GAL3ST2: variants seen among roughly 807,000 people sequenced by gnomAD.
GAL3ST2 encodes galactose-3-O-sulfotransferase 2, also known as beta-galactose-3-O-sulfotransferase 2.
In GAL3ST2, 16 loss-of-function variants were observed where a neutral mutation model predicts 12.9. The ratio of observed to expected loss-of-function variants is 1.24; its 90% CI spans 0.84 to 1.88. The LOEUF (loss-of-function observed/expected upper bound fraction) is 1.88, where lower values mean the gene tolerates loss of function less well. Among genes scored for constraint, GAL3ST2 ranks in the 40% most tolerant of loss-of-function variants. The pLI is 0.00. For missense variants in GAL3ST2, 639 were observed against 571.8 expected, an observed-to-expected ratio of 1.12 and a Z score of -1.20; for synonymous variants, 302 against 273.9, an observed-to-expected ratio of 1.10 and a Z score of -1.01.
At position 241,804,097 on chromosome 2, in the gene GAL3ST2, C is replaced by A; in HGVS notation, c.1128C>A (p.Tyr376Ter). The A allele has an allele frequency of 6.6e-7, 1 of 1,526,698 alleles. No homozygotes were observed. Among genetic ancestry groups the A allele is most frequent in the Non-Finnish European group, 8.8e-7 (1 of 1,136,616 alleles). 94.6% of individuals were successfully genotyped at this position (1,526,698 alleles called of 1,614,324 possible). The part of the protein sequence containing the change: ...CQRLVMPELQ[Y>*]MARLYALQFP... ...GGCTTGTGATGCCTGAGCTCCAGTA[C>A]ATGGCCCGCCTGTACGCCCTGCAGT... is the stretch of plus-strand genomic sequence containing the variant. The change falls in exon 4 of 4, where the codon TAC (tyrosine) becomes TAA (stop). Residue 376 changes from tyrosine (Y) to a stop codon, truncating the protein, a stop_gained. Transcript: ENST00000192314. LOFTEE classifies it low-confidence loss of function (END_TRUNC).
At position 241,801,860 on chromosome 2, in the gene GAL3ST2, G is replaced by A. The variant is rs1350956069; in HGVS notation, c.199G>A (p.Val67Met). Residue 67 changes from valine (V) to methionine (M), a missense_variant, in exon 3 of 4, where the codon GTG becomes ATG. Val to Met is a conservative substitution (Grantham distance 21). Coordinates refer to ENST00000192314, the MANE Select transcript of GAL3ST2 (RefSeq NM_022134.3). This position sits in a 1 kb window ranked among gnomAD's most constrained non-coding sequence, Gnocchi z 4.4. ...GACGCACAAGACGGCCAGCAGCACG[G>A]TGCTCAACATCCTCTACCGCTTCGC... Reference protein sequence around the residue: ...LKTHKTASSTVLNILYRFAET... With the variant: ...LKTHKTASSTMLNILYRFAET... The A allele has an allele frequency of 5.0e-6, 8 of 1,612,876 alleles. No individual in the cohort carries two copies. The Admixed American group carries it at 5.0e-5, about 10-fold the overall frequency.
At chr2:241,797,779 C>T (rs932352478) in intron 1 of GAL3ST2, among the ~76,000 whole-genome samples, 12 of 152,204 alleles carry the variant, frequency 7.9e-5, no homozygotes, top group African/African-American at 2.2e-4. Context: ...GTTCTAGCAC[C>T]CCCAGCCCCC....
chr2:241,794,866 A>G (rs754858537), intron 1 of GAL3ST2, among the ~76,000 whole-genome samples: 20 of 152,192 alleles, frequency 1.3e-4, no homozygotes, highest in African/African-American at 4.6e-4. Flanking sequence ...TCCCTCCACA[A>G]TCGTCAGCTT....
intron 1 of GAL3ST2, among the ~76,000 whole-genome samples, chr2:241,794,562 C>G (rs1001175801): frequency 6.6e-6 from 1 of 152,234 alleles, no homozygotes; most frequent in Admixed American, 6.5e-5. Context: ...CCAACCTGCC[C>G]AGAGCTGGAA....
rs758638255 is a variant in GAL3ST2, at chr2:241,803,561, G to A, written c.592G>A (p.Gly198Ser). ...CAAGAACAACATGTGGTTCGACTTC[G>A]GCTTCGACCCCAACGCGCAGTGCGA... ...YAKNNMWFDF[G>S]FDPNAQCEEG... Residue 198 changes from glycine to serine, a missense_variant, in exon 4 of 4, where the codon GGC becomes AGC. Gly to Ser is a moderately conservative substitution (Grantham distance 56, BLOSUM62 0). Coordinates refer to ENST00000192314, the MANE Select transcript of GAL3ST2 (RefSeq NM_022134.3). The A allele has an allele frequency of 1.2e-6, 2 of 1,602,934 alleles. No homozygotes were observed. The highest frequency in any genetic ancestry group is 1.7e-6 in the Non-Finnish European group (2 of 1,174,730).
rs1041349659 is a variant in GAL3ST2, at chr2:241,802,406, C to T, written c.375+370C>T. Reference sequence around the variant, plus strand: ...GGTCCCTTGGGTCTCAGCATAGAGCCGGCTTCCCCCCAGGGCTTCCCTGAC... The same window carrying T: ...GGTCCCTTGGGTCTCAGCATAGAGCTGGCTTCCCCCCAGGGCTTCCCTGAC... On this transcript the variant is annotated intron_variant, in intron 3 of 3. Transcript: ENST00000192314. This position sits in a 1 kb window ranked among gnomAD's most constrained non-coding sequence, Gnocchi z 4.8. Among the ~76,000 whole-genome samples, 1 of 152,166 alleles carries T rather than the reference C, an allele frequency of 6.6e-6. No homozygotes were observed.
At chr2:241,780,657 A>C (rs1355973072) in intron 1 of GAL3ST2, among the ~76,000 whole-genome samples, 3 of 152,236 alleles carry the variant, frequency 2.0e-5, no homozygotes, top group Non-Finnish European at 4.4e-5. Context: ...AGCAAGAATA[A>C]TTACTTTTTA....
In GAL3ST2 at chr2:241,803,906, C is replaced by T. The variant is rs1295210030; in HGVS notation, c.937C>T (p.Arg313Trp). 1.4e-6 allele frequency: 2 copies of T among 1,414,940 alleles called. No homozygotes were observed. Among genetic ancestry groups the T allele is most frequent in the South Asian group, 1.6e-5 (1 of 62,552 alleles). The allele number at this position is 1,414,940 out of a possible 1,614,324, so 87.6% of individuals were successfully genotyped here. Reference sequence around the variant, plus strand: ...CGGGGAGGTGGAGCGGCTGCGCGCCCGGAGGCGCGAACTCGCGAGCCTGTG... The same window carrying T: ...CGGGGAGGTGGAGCGGCTGCGCGCCTGGAGGCGCGAACTCGCGAGCCTGTG... ...LRGEVERLRA[R>W]RRELASLCLQ... Residue 313 changes from arginine to tryptophan, a missense_variant, in exon 4 of 4, where the codon CGG (arginine) becomes TGG (tryptophan). Arg to Trp is a moderately radical substitution (Grantham distance 101, BLOSUM62 -3). Transcript: ENST00000192314.
At chr2:241,791,271 T>C (rs1429901079) in intron 1 of GAL3ST2, among the ~76,000 whole-genome samples, 2 of 146,346 alleles carry the variant, frequency 1.4e-5, no homozygotes, top group Non-Finnish European at 2.9e-5. Context: ...GGAAACTATT[T>C]GTGAGTATTT....
rs758020541 is a variant in GAL3ST2 at position 241,776,932 on chromosome 2, C to G, written c.-24C>G. On this transcript the variant is annotated 5_prime_UTR_variant, in exon 1 of 4. Coordinates refer to ENST00000192314, the MANE Select transcript of GAL3ST2 (RefSeq NM_022134.3). ...GGGGGAGCTCAAGCCTCGACTGTCC[C>G]CTCGCTGGAGGCCAGAGGCCAAGAT... 3.9e-6 allele frequency: 6 copies of G among 1,527,520 alleles called. No homozygotes were observed. The highest frequency in any genetic ancestry group is 1.9e-5 in the Admixed American group (1 of 52,756). The allele number at this position is 1,527,520 out of a possible 1,614,324, so 94.6% of individuals were successfully genotyped here. A position where few individuals can be genotyped will look rare whatever the true frequency, so the allele number is the denominator to read the frequency against.
intron 1 of GAL3ST2, among the ~76,000 whole-genome samples, chr2:241,782,111 G>T (rs576227757): frequency 1.3e-5 from 2 of 152,158 alleles, no homozygotes; most frequent in East Asian, 3.8e-4. Context: ...TTATTTAGGA[G>T]TTGGTTGATG....
chr2:241,800,500 T>C lies in GAL3ST2; in HGVS notation c.120-1281T>C, dbSNP rs1332118139. 6.6e-6 allele frequency among the ~76,000 whole-genome samples: 1 copy of C among 152,184 alleles called. No homozygotes were observed. Among genetic ancestry groups the C allele is most frequent in the Non-Finnish European group, 1.5e-5 (1 of 68,038 alleles). ...AACAAACAGGTGTGTTACTTACTTG[T>C]GACCCACGTTCACCTTGGGGTGGAG... On this transcript the variant is annotated intron_variant, in intron 2 of 3. Transcript: ENST00000192314. This position sits in a 1 kb window ranked among gnomAD's most constrained non-coding sequence, Gnocchi z 5.2.
In GAL3ST2 at chr2:241,802,028, C is replaced by T. The variant is rs774423613; in HGVS notation, c.367C>T (p.Leu123=). Reference sequence around the variant, plus strand: ...CATGTGCAACCACCTGAGGTTCAACCTGCCTCAGGTACCGCGGGCCTGCTG... The same window carrying T: ...CATGTGCAACCACCTGAGGTTCAACTTGCCTCAGGTACCGCGGGCCTGCTG... ...NIMCNHLRFN[L]PQVQKVMPND... The change falls in exon 3 of 4, where the codon CTG becomes TTG. Residue 123 remains leucine, a synonymous_variant. Coordinates refer to ENST00000192314, the MANE Select transcript of GAL3ST2 (RefSeq NM_022134.3). This position sits in a 1 kb window ranked among gnomAD's most constrained non-coding sequence, Gnocchi z 4.8. 1.2e-6 allele frequency: 2 copies of T among 1,610,808 alleles called. No individual in the cohort carries two copies. Among genetic ancestry groups the T allele is most frequent in the Non-Finnish European group, 1.7e-6 (2 of 1,178,998 alleles).
At position 241,803,361 on chromosome 2, in the gene GAL3ST2, C is replaced by T. The variant is rs759139927; in HGVS notation, c.392C>T (p.Pro131Leu). 5 of 1,600,832 alleles carry T rather than the reference C, an allele frequency of 3.1e-6. No individual in the cohort carries two copies. Among genetic ancestry groups the T allele is most frequent in the Non-Finnish European group, 4.3e-6 (5 of 1,170,678 alleles). The change falls in exon 4 of 4, where the codon CCC (proline) becomes CTC (leucine). Residue 131 changes from proline to leucine, a missense_variant. Transcript: ENST00000192314. ...GCCACACAGGTGCAGAAAGTCATGCCCAACGACACCTTCTACTTCTCCATC... is the reference window on the plus strand; with the variant it reads ...GCCACACAGGTGCAGAAAGTCATGCTCAACGACACCTTCTACTTCTCCATC... ...FNLPQVQKVMPNDTFYFSILR... is the reference protein window; with the variant it reads ...FNLPQVQKVMLNDTFYFSILR...
chr2:241,790,354 G>A (rs1390311247), intron 1 of GAL3ST2, among the ~76,000 whole-genome samples: 1 of 152,122 alleles, frequency 6.6e-6, no homozygotes, highest in Non-Finnish European at 1.5e-5. Flanking sequence ...TTTGACCTTT[G>A]CTTTAAATGT....
rs1055130789 is a variant in GAL3ST2, at chr2:241,795,838, C to G, written c.30-3227C>G. Among the ~76,000 whole-genome samples, 11 of 152,370 alleles carry G rather than the reference C, an allele frequency of 7.2e-5. No individual in the cohort carries two copies. Among genetic ancestry groups the G allele is most frequent in the African/African-American group, 1.2e-4 (5 of 41,600 alleles). On this transcript the variant is annotated intron_variant, in intron 1 of 3. Coordinates refer to ENST00000192314, the MANE Select transcript of GAL3ST2 (RefSeq NM_022134.3). This position sits in a 1 kb window ranked among gnomAD's most constrained non-coding sequence, Gnocchi z 4.5. ...TCTGCGGCCCCTCTCGCTCTCCTCT[C>G]TGTGCCTGGGAATTCTAGTGTTTAC...
In GAL3ST2 at chr2:241,793,677, TTGTG is replaced by T. The variant is rs1699733408; in HGVS notation, c.30-5386_30-5383del. Among the ~76,000 whole-genome samples, 1 of 151,830 alleles carries T rather than the reference TTGTG, an allele frequency of 6.6e-6. No individual in the cohort carries two copies. Among genetic ancestry groups the T allele is most frequent in the African/African-American group, 2.4e-5 (1 of 41,264 alleles). On this transcript the variant is annotated intron_variant, in intron 1 of 3. Coordinates refer to ENST00000192314, the MANE Select transcript of GAL3ST2 (RefSeq NM_022134.3). This position sits in a 1 kb window ranked among gnomAD's most constrained non-coding sequence, Gnocchi z 4.7. ...ATGCATATGTGTGTGTATGCACATATTGTGTATGTGTGTGTATATGTGTATGTAC... is the reference window on the plus strand; with the variant it reads ...ATGCATATGTGTGTGTATGCACATATTATGTGTGTGTATATGTGTATGTAC...
chr2:241,785,970 C>T (rs112637927), intron 1 of GAL3ST2, among the ~76,000 whole-genome samples: 109 of 152,282 alleles, frequency 7.2e-4, no homozygotes, highest in African/African-American at 2.5e-3. Flanking sequence ...ATTTCACCTG[C>T]GACAAATTGC....
intron 3 of GAL3ST2, 43 bp from the exon 4 acceptor site, chr2:241,803,302 C>T (rs1474593063): frequency 2.6e-6 from 4 of 1,511,144 alleles, no homozygotes; most frequent in African/African-American, 1.4e-5. Context: ...GCCACCCTGG[C>T]CTGGGCCCGC....
Sources: allele counts gnomAD v4.1 joint callset (sites outside exome capture counted in the v4.1 genomes callset), GRCh38; gene constraint gnomAD v4.1.1; non-coding constraint Gnocchi (gnomAD v3.1); transcripts MANE v1.5; gene names NCBI Gene and HGNC (gene_info 2026-07-23, HGNC 2026-07-21).